The following KCNIP4 variants were observed in gnomAD, a reference collection of about 807,000 sequenced individuals.
The protein encoded by KCNIP4 is potassium voltage-gated channel interacting protein 4.
A neutral mutation model predicts 34.0 loss-of-function variants in KCNIP4; 12 were observed. The ratio of observed to expected loss-of-function variants is 0.35; its 90% CI spans 0.23 to 0.57. The LOEUF is 0.57. Among genes scored for constraint, KCNIP4 ranks in the 20% least tolerant of loss-of-function variants. KCNIP4 has a pLI of 0.83. For missense variants in KCNIP4, 238 were observed against 311.7 expected, an observed-to-expected ratio of 0.76 and a Z score of 1.78; for synonymous variants, 124 against 102.2, an observed-to-expected ratio of 1.21 and a Z score of -1.29.
At position 20,810,413 on chromosome 4, in the gene KCNIP4, A is replaced by AAG. The variant is rs540688569; in HGVS notation, c.288+40128_288+40129dup. Among the ~76,000 whole-genome samples, 24 of 149,248 alleles carry AAG rather than the reference A, an allele frequency of 1.6e-4. No homozygotes were observed. In the East Asian group the frequency reaches 4.9e-3, roughly 31 times the overall value. On this transcript the variant is annotated intron_variant, in intron 3 of 8. Transcript: ENST00000382152. ...GTTTATTTGTCTGAGTCAACAGAAAAAGAGAGAGGGAAGGGAAATGGAAGA... is the reference window on the plus strand; with the variant it reads ...GTTTATTTGTCTGAGTCAACAGAAAAAGAGAGAGAGGGAAGGGAAATGGAAGA...
At chr4:21,638,567 C>T (rs560582124) in intron 1 of KCNIP4, among the ~76,000 whole-genome samples, 2 of 152,120 alleles carry the variant, frequency 1.3e-5, no homozygotes, top group African/African-American at 4.8e-5. Flanking sequence ...GGCAACCTCC[C>T]GTGTAAATGC....
intron 1 of KCNIP4, among the ~76,000 whole-genome samples, chr4:21,374,117 A>C (rs1034243381): frequency 6.8e-6 from 1 of 147,568 alleles, no homozygotes; most frequent in Non-Finnish European, 1.5e-5. Flanking sequence ...GGATTGCTAC[A>C]TCGATATTAA....
At chr4:20,977,084 C>T (rs752649910) in intron 1 of KCNIP4, among the ~76,000 whole-genome samples, 3 of 152,264 alleles carry the variant, frequency 2.0e-5, no homozygotes, top group South Asian at 2.1e-4. Context: ...CCACACACCT[C>T]GGTCTCCCAA....
At chr4:21,128,317 C>T (rs1457399155) in intron 1 of KCNIP4, among the ~76,000 whole-genome samples, 1 of 152,204 alleles carries the variant, frequency 6.6e-6, no homozygotes, top group Admixed American at 6.5e-5. Context: ...CTGATTAAAA[C>T]GTTTTGTCAA....
intron 1 of KCNIP4, among the ~76,000 whole-genome samples, chr4:21,732,305 A>G (rs1316464388): frequency 6.6e-6 from 1 of 152,094 alleles, no homozygotes; most frequent in Non-Finnish European, 1.5e-5. Context: ...ATAATAAAAG[A>G]CATCAAAACA....
At chr4:21,087,577 T>C (rs28718441) in intron 1 of KCNIP4, among the ~76,000 whole-genome samples, 51,659 of 151,710 alleles carry the variant, frequency 0.34, 10,402 homozygotes, top group African/African-American at 0.58. Flanking sequence ...CGTGAGCCAC[T>C]GCACCTGGCC....
intron 1 of KCNIP4, among the ~76,000 whole-genome samples, chr4:21,292,931 T>C (rs1763616673): frequency 6.6e-6 from 1 of 152,170 alleles, no homozygotes. Flanking sequence ...TCAGTAATTA[T>C]AAATTCAATG....
intron 1 of KCNIP4, among the ~76,000 whole-genome samples, chr4:21,292,647 T>C (rs565333966): frequency 1.4e-4 from 21 of 152,282 alleles, no homozygotes; most frequent in African/African-American, 5.1e-4. Flanking sequence ...ATTTCCTTTC[T>C]CCTTGAAATA....
intron 2 of KCNIP4, among the ~76,000 whole-genome samples, chr4:20,880,244 A>G (rs184653257): frequency 6.6e-6 from 1 of 152,174 alleles, no homozygotes. Context: ...GTGGGCTCTT[A>G]TCTTTCTTTG....
chr4:21,897,790 T>A (rs1243686520), intron 1 of KCNIP4, among the ~76,000 whole-genome samples: 1 of 152,082 alleles, frequency 6.6e-6, no homozygotes, highest in East Asian at 1.9e-4. Flanking sequence ...AGCAACTTCA[T>A]AAGAACCAAA....
At chr4:21,308,707 TGTGA>T (rs1360035285) in intron 1 of KCNIP4, among the ~76,000 whole-genome samples, 1 of 94,536 alleles carries the variant, frequency 1.1e-5, no homozygotes, top group African/African-American at 3.4e-5. Flanking sequence ...GCCCCTGCCG[TGTGA>T]GTGTGTGTGT....
At chr4:21,922,311 A>G (rs1479791568) in intron 1 of KCNIP4, among the ~76,000 whole-genome samples, 1 of 151,216 alleles carries the variant, frequency 6.6e-6, no homozygotes, top group Non-Finnish European at 1.5e-5. Flanking sequence ...AATAACCTAC[A>G]CTCTTTGAGA....
chr4:21,611,584 A>C (rs1744159884), intron 1 of KCNIP4, among the ~76,000 whole-genome samples: 1 of 152,200 alleles, frequency 6.6e-6, no homozygotes, highest in South Asian at 2.1e-4. Context: ...TGATGAAGAC[A>C]AATATATAGC....
At chr4:21,499,715 GA>G (rs1472665946) in intron 1 of KCNIP4, among the ~76,000 whole-genome samples, 4 of 152,016 alleles carry the variant, frequency 2.6e-5, no homozygotes, top group Admixed American at 2.6e-4. Flanking sequence ...ACACTATGAT[GA>G]AAAAATTTCT....
intron 1 of KCNIP4, among the ~76,000 whole-genome samples, chr4:21,719,795 C>G (rs1188217378): frequency 6.6e-6 from 1 of 151,922 alleles, no homozygotes; most frequent in Non-Finnish European, 1.5e-5. Context: ...AAACCCATCT[C>G]TACGAAAACT....
At chr4:21,731,113 T>C (rs1379899669) in intron 1 of KCNIP4, among the ~76,000 whole-genome samples, 2 of 84,488 alleles carry the variant, frequency 2.4e-5, no homozygotes, top group Admixed American at 1.3e-4. Flanking sequence ...AGAACCTGTC[T>C]CAAAAAAAAA....
intron 1 of KCNIP4, among the ~76,000 whole-genome samples, chr4:21,758,849 C>T (rs59247815): frequency 0.087 from 13,286 of 152,036 alleles, 1,955 homozygotes; most frequent in African/African-American, 0.3. Flanking sequence ...CCTCCACTGC[C>T]CACTTGCAAT....
chr4:21,326,272 C>T (rs1027238940), intron 1 of KCNIP4, among the ~76,000 whole-genome samples: 1 of 146,358 alleles, frequency 6.8e-6, no homozygotes, highest in Admixed American at 6.9e-5. Flanking sequence ...CATCTGGGTG[C>T]TCTAGAGTTG....
At chr4:21,582,057 G>A (rs1269713162) in intron 1 of KCNIP4, 15 of 150,270 alleles carry the variant, frequency 1.0e-4, no homozygotes, top group African/African-American at 3.5e-4. Flanking sequence ...GGAATGGAAT[G>A]GAATGGAATG....
Sources: gnomAD v4.1 joint callset for allele counts (sites outside exome capture counted in the v4.1 genomes callset) on GRCh38, gnomAD v4.1.1 for gene constraint, MANE v1.5 for transcripts, NCBI Gene and HGNC (gene_info 2026-07-23, HGNC 2026-07-21) for gene names.